LAMC1: variants seen among roughly 807,000 people sequenced by gnomAD.
LAMC1 encodes the protein laminin subunit gamma 1.
A neutral mutation model predicts 173.6 loss-of-function variants in LAMC1; 38 were observed. The ratio of observed to expected loss-of-function variants is 0.22; its 90% CI spans 0.17 to 0.29. The LOEUF (loss-of-function observed/expected upper bound fraction) is 0.29. Among genes scored for constraint, LAMC1 ranks in the 10% least tolerant of loss-of-function variants. The pLI is 1.00. For missense variants in LAMC1, 1,824 were observed against 2,051.8 expected, an observed-to-expected ratio of 0.89 and a Z score of 2.14; for synonymous variants, 746 against 749.1, an observed-to-expected ratio of 1.00 and a Z score of 0.07.
intron 1 of LAMC1, among the ~76,000 whole-genome samples, chr1:183,037,060 G>A (rs1267707459): frequency 6.6e-6 from 1 of 152,252 alleles, no homozygotes; most frequent in Non-Finnish European, 1.5e-5. Context: ...ACAGGCGTGA[G>A]CCACCGCACC....
At chr1:183,093,409 C>T (rs573853814) in intron 1 of LAMC1, among the ~76,000 whole-genome samples, 94 of 152,116 alleles carry the variant, frequency 6.2e-4, no homozygotes, top group Non-Finnish European at 1.3e-3. Context: ...TTCTGGAATT[C>T]TACTCTTTTG....
chr1:183,041,323 T>G (rs1363948424), intron 1 of LAMC1, among the ~76,000 whole-genome samples: 1 of 152,172 alleles, frequency 6.6e-6, no homozygotes, highest in Non-Finnish European at 1.5e-5. Context: ...TACTACTACA[T>G]TTTTTTCTTG....
At chr1:183,051,898 G>C (rs961544322) in intron 1 of LAMC1, among the ~76,000 whole-genome samples, 4 of 152,124 alleles carry the variant, frequency 2.6e-5, no homozygotes, top group Non-Finnish European at 5.9e-5. Flanking sequence ...GTCTAATGAA[G>C]GGAAGACAGG....
chr1:183,132,468 A>G lies in LAMC1; in HGVS notation c.3635A>G (p.Tyr1212Cys). Residue 1212 changes from tyrosine to cysteine, a missense_variant, in exon 21 of 28, where the codon TAC becomes TGC. Physicochemically the swap from Tyr to Cys is radical, Grantham distance 194. Coordinates refer to ENST00000258341, the MANE Select transcript of LAMC1 (RefSeq NM_002293.4). Reference protein sequence around the residue: ...KTANDTSTEAYNLLLRTLAGE... With the variant: ...KTANDTSTEACNLLLRTLAGE... ...GCCAATGATACGTCAACTGAGGCATACAACCTGCTTCTGAGGACACTGGCA... is the reference window on the plus strand; with the variant it reads ...GCCAATGATACGTCAACTGAGGCATGCAACCTGCTTCTGAGGACACTGGCA... 6.2e-7 allele frequency: 1 copy of G among 1,613,540 alleles called. No homozygotes were observed. Among genetic ancestry groups the G allele is most frequent in the Non-Finnish European group, 8.5e-7 (1 of 1,179,432 alleles).
rs2102108842 is a variant in LAMC1, at chr1:183,134,800, T to C, written c.3990T>C (p.Thr1330=). The part of the protein sequence containing the change: ...EVKNLLEKGK[T]EQQTADQLLA... ...AGAACCTTCTGGAGAAAGGCAAGACTGAACAGCAGGTTGGTTTGATTTGCA... is the reference window on the plus strand; with the variant it reads ...AGAACCTTCTGGAGAAAGGCAAGACCGAACAGCAGGTTGGTTTGATTTGCA... Residue 1330 remains threonine, a synonymous_variant, in exon 23 of 28, where the codon ACT becomes ACC. Transcript: ENST00000258341. The C allele has an allele frequency of 6.2e-7, 1 of 1,612,370 alleles. No homozygotes were observed. The highest frequency in any genetic ancestry group is 2.2e-5 in the East Asian group (1 of 44,878).
chr1:183,034,309 TG>T (rs1407116475), intron 1 of LAMC1, among the ~76,000 whole-genome samples: 1 of 152,166 alleles, frequency 6.6e-6, no homozygotes, highest in African/African-American at 2.4e-5. Flanking sequence ...CTCACTCTGT[TG>T]CCCAGGCTGG....
At chr1:183,084,298 G>A (rs545748182) in intron 1 of LAMC1, among the ~76,000 whole-genome samples, 2 of 151,482 alleles carry the variant, frequency 1.3e-5, no homozygotes, top group Admixed American at 6.6e-5. Flanking sequence ...AGCCAAGATC[G>A]CGCCGCCGCA....
At chr1:183,115,990 C>T (rs538969358) in intron 6 of LAMC1, among the ~76,000 whole-genome samples, 140 of 152,058 alleles carry the variant, frequency 9.2e-4, no homozygotes, top group African/African-American at 3.2e-3. Context: ...ATTAGCCAGG[C>T]GTGGTGGCGG....
At chr1:183,058,624 A>G (rs545012567) in intron 1 of LAMC1, among the ~76,000 whole-genome samples, 1 of 152,314 alleles carries the variant, frequency 6.6e-6, no homozygotes, top group Admixed American at 6.5e-5. Flanking sequence ...CTTATGTCTC[A>G]ATATGTAAAT....
rs1657167389 is a variant in LAMC1 at position 183,143,333 on chromosome 1, A to G, written c.*543A>G. ...ACATCCTGTGCCAAAGGTATTGGTCATTTAGAATGTCGGTAGCCATCCATC... is the reference window on the plus strand; with the variant it reads ...ACATCCTGTGCCAAAGGTATTGGTCGTTTAGAATGTCGGTAGCCATCCATC... On this transcript the variant is annotated 3_prime_UTR_variant, in exon 28 of 28. Transcript: ENST00000258341. 6.5e-6 allele frequency: 1 copy of G among 154,768 alleles called. No individual in the cohort carries two copies. The highest frequency in any genetic ancestry group is 6.3e-5 in the Admixed American group (1 of 15,808). 9.6% of individuals were successfully genotyped at this position (154,768 alleles called of 1,614,324 possible).
intron 1 of LAMC1, among the ~76,000 whole-genome samples, chr1:183,055,037 G>A (rs2102026637): frequency 6.7e-6 from 1 of 150,068 alleles, no homozygotes; most frequent in Admixed American, 6.6e-5. Context: ...TGCCTAGGCT[G>A]GAGTGCAGTG....
rs1000515426 is a variant in LAMC1 at position 183,024,266 on chromosome 1, C to T, written c.418+132C>T. On this transcript the variant is annotated intron_variant, in intron 1 of 27. Coordinates refer to ENST00000258341, the MANE Select transcript of LAMC1 (RefSeq NM_002293.4). ...GCTCTCTGTTCCCCGGCATGGGCCA[C>T]ACAGAAACTCCTTTCTCCAACTTCT... The T allele has an allele frequency of 3.8e-5, 31 of 825,308 alleles. No homozygotes were observed. In the African/African-American group the frequency reaches 5.0e-4, roughly 13 times the overall value. 51.1% of individuals were successfully genotyped at this position (825,308 alleles called of 1,614,324 possible). A position where few individuals can be genotyped will look rare whatever the true frequency, so the allele number is the denominator to read the frequency against.
intron 1 of LAMC1, among the ~76,000 whole-genome samples, chr1:183,070,650 T>C (rs1292761545): frequency 6.6e-6 from 1 of 152,238 alleles, no homozygotes; most frequent in African/African-American, 2.4e-5. Context: ...TTTACTCATA[T>C]TTTTTATTTG....
chr1:183,050,529 G>A (rs1420973871), intron 1 of LAMC1, among the ~76,000 whole-genome samples: 3 of 142,786 alleles, frequency 2.1e-5, no homozygotes, highest in East Asian at 2.3e-4. Flanking sequence ...TGATCTGCCC[G>A]CCTCGGCCTC....
chr1:183,030,934 A>G (rs1028308267), intron 1 of LAMC1, among the ~76,000 whole-genome samples: 2 of 152,194 alleles, frequency 1.3e-5, no homozygotes, highest in African/African-American at 4.8e-5. Context: ...GTAGTACACC[A>G]TAATTGCGCC....
intron 1 of LAMC1, among the ~76,000 whole-genome samples, chr1:183,032,038 G>A (rs1482300358): frequency 6.6e-6 from 1 of 152,176 alleles, no homozygotes; most frequent in Non-Finnish European, 1.5e-5. Context: ...AAAATTGACA[G>A]CTTGCTAATG....
chr1:183,065,421 A>C (rs1300583997), intron 1 of LAMC1, among the ~76,000 whole-genome samples: 1 of 152,242 alleles, frequency 6.6e-6, no homozygotes, highest in African/African-American at 2.4e-5. Flanking sequence ...TGAGTCCAAA[A>C]GCTGGAAACT....
chr1:183,071,248 G>A (rs2102040786), intron 1 of LAMC1, among the ~76,000 whole-genome samples: 1 of 152,262 alleles, frequency 6.6e-6, no homozygotes, highest in South Asian at 2.1e-4. Context: ...GATTGTGCCT[G>A]TATGGATGTT....
At chr1:183,076,808 G>T (rs1233547067) in intron 1 of LAMC1, among the ~76,000 whole-genome samples, 2 of 152,180 alleles carry the variant, frequency 1.3e-5, no homozygotes, top group Non-Finnish European at 2.9e-5. Flanking sequence ...ATACATTTGT[G>T]TAGAAAATCA....
Sources: gnomAD v4.1 joint callset for allele counts (sites outside exome capture counted in the v4.1 genomes callset) on GRCh38, gnomAD v4.1.1 for gene constraint, MANE v1.5 for transcripts, NCBI Gene and HGNC (gene_info 2026-07-23, HGNC 2026-07-21) for gene names.